SIPA1L3: variants seen among roughly 807,000 people sequenced by gnomAD.
The protein encoded by SIPA1L3 is signal induced proliferation associated 1 like 3, also known as signal-induced proliferation-associated 1-like protein 3.
Under a neutral mutation model 150.1 loss-of-function variants are expected in SIPA1L3, and 59 were observed. That is an observed-to-expected ratio of 0.39 (90% CI 0.32 to 0.49). The LOEUF (loss-of-function observed/expected upper bound fraction) is 0.49, where lower values mean the gene tolerates loss of function less well. Among genes scored for constraint, SIPA1L3 ranks in the 20% least tolerant of loss-of-function variants. The pLI, the probability that SIPA1L3 is intolerant of heterozygous loss-of-function variation, is 0.86. For synonymous variants in SIPA1L3, 1,070 were observed against 1,077.6 expected (o/e 0.99, Z 0.14); for missense variants, 2,211 against 2,489.5 (o/e 0.89, Z 2.38).
At chr19:37,956,960 A>T (rs2046816833) in intron 1 of SIPA1L3, among the ~76,000 whole-genome samples, 1 of 151,834 alleles carries the variant, frequency 6.6e-6, no homozygotes, top group Admixed American at 6.6e-5. Flanking sequence ...ATTAATTTTG[A>T]TATCATTTTT....
At chr19:38,121,183 AAAAT>A (rs967638737) in intron 9 of SIPA1L3, among the ~76,000 whole-genome samples, 5 of 152,182 alleles carry the variant, frequency 3.3e-5, no homozygotes, top group African/African-American at 1.2e-4. Context: ...TTCTAAAAAA[AAAAT>A]AAAAAAATAA....
intron 15 of SIPA1L3, among the ~76,000 whole-genome samples, chr19:38,167,383 GAT>G (rs1256612153): frequency 7.2e-5 from 11 of 152,244 alleles, no homozygotes; most frequent in African/African-American, 2.6e-4. Context: ...TTCTCTGACA[GAT>G]ATTTGAAAAC....
intron 2 of SIPA1L3, among the ~76,000 whole-genome samples, chr19:38,068,707 A>T (rs1353550864): frequency 6.6e-6 from 1 of 152,146 alleles, no homozygotes; most frequent in Non-Finnish European, 1.5e-5. Context: ...TAAGTAAAAA[A>T]TTAGCCGGTT....
chr19:37,930,523 A>G (rs2046544411), intron 1 of SIPA1L3, among the ~76,000 whole-genome samples: 1 of 152,170 alleles, frequency 6.6e-6, no homozygotes, highest in Non-Finnish European at 1.5e-5. Flanking sequence ...ATCTATGAAG[A>G]GTGACCATCC....
chr19:38,115,588 C>G lies in SIPA1L3; in HGVS notation c.2292-3718C>G, dbSNP rs141216784. Among the ~76,000 whole-genome samples the G allele has an allele frequency of 3.7e-3, 564 of 152,284 alleles. 3 individuals carry two copies. The highest frequency in any genetic ancestry group is 0.013 in the African/African-American group (523 of 41,566). ...TTGCCCCTGGTGACCTCATGGCCTCCTGCTCCTTGCCTTCCGGGCCATGCC... is the reference window on the plus strand; with the variant it reads ...TTGCCCCTGGTGACCTCATGGCCTCGTGCTCCTTGCCTTCCGGGCCATGCC... On this transcript the variant is annotated intron_variant, in intron 8 of 21. Transcript: ENST00000222345.
chr19:37,983,721 C>T (rs1224855557), intron 1 of SIPA1L3, among the ~76,000 whole-genome samples: 1 of 151,890 alleles, frequency 6.6e-6, no homozygotes, highest in Non-Finnish European at 1.5e-5. Context: ...TCCTGGGCAA[C>T]ATGGTGAAAC....
intron 17 of SIPA1L3, among the ~76,000 whole-genome samples, 154 bp from the exon 18 acceptor site, chr19:38,193,383 A>AAGGG (rs971258066): frequency 2.0e-5 from 2 of 100,362 alleles, no homozygotes; most frequent in South Asian, 3.9e-4. Flanking sequence ...GGGAGGGAGG[A>AAGGG]AGGGAGGGAG....
At chr19:37,957,857 A>G (rs553131861) in intron 1 of SIPA1L3, among the ~76,000 whole-genome samples, 5 of 151,140 alleles carry the variant, frequency 3.3e-5, no homozygotes, top group African/African-American at 9.8e-5. Flanking sequence ...GACTATAGGC[A>G]TGCATCACCA....
chr19:38,117,596 G>GCT (rs1970915978), intron 8 of SIPA1L3, among the ~76,000 whole-genome samples: 1 of 151,042 alleles, frequency 6.6e-6, no homozygotes, highest in African/African-American at 2.4e-5. Flanking sequence ...TCCAGCCTGA[G>GCT]CTACAGAGTG....
intron 1 of SIPA1L3, among the ~76,000 whole-genome samples, chr19:37,939,178 T>C (rs1208671522): frequency 2.6e-5 from 4 of 152,154 alleles, no homozygotes; most frequent in Admixed American, 1.3e-4. Context: ...GATGTATGAC[T>C]GACTATACCT....
intron 18 of SIPA1L3, among the ~76,000 whole-genome samples, chr19:38,195,552 C>T (rs143577879): frequency 1.1e-3 from 170 of 152,314 alleles, no homozygotes; most frequent in South Asian, 0.011. Flanking sequence ...CTCCCTGCTG[C>T]TCTGTCTCTC....
chr19:38,107,502 C>T (rs1970649522), intron 7 of SIPA1L3, among the ~76,000 whole-genome samples: 1 of 152,228 alleles, frequency 6.6e-6, no homozygotes, highest in Admixed American at 6.5e-5. Flanking sequence ...CTCTCTTGGA[C>T]CCACCTTGCA....
At position 38,082,371 on chromosome 19, in the gene SIPA1L3, A is replaced by G. The variant is rs1246345621; in HGVS notation, c.806A>G (p.Asp269Gly). Reference sequence around the variant, plus strand: ...TCCCACAACGGGCAGCCCGCCAAGGACAGCCTCCTGCCACTGCAGCCCACG... The same window carrying G: ...TCCCACAACGGGCAGCCCGCCAAGGGCAGCCTCCTGCCACTGCAGCCCACG... ...GDSHNGQPAK[D>G]SLLPLQPTKE... The change falls in exon 3 of 22, where the codon GAC (aspartate) becomes GGC (glycine). Residue 269 changes from aspartate to glycine, a missense_variant. Asp to Gly is a moderately conservative substitution (Grantham distance 94). Coordinates refer to ENST00000222345, the MANE Select transcript of SIPA1L3 (RefSeq NM_015073.3). 1.3e-6 allele frequency: 2 copies of G among 1,597,600 alleles called. No individual in the cohort carries two copies. Among genetic ancestry groups the G allele is most frequent in the Non-Finnish European group, 1.7e-6 (2 of 1,178,278 alleles).
At chr19:38,201,441 G>A (rs11671507) in intron 19 of SIPA1L3, among the ~76,000 whole-genome samples, 73,573 of 152,102 alleles carry the variant, frequency 0.48, 20,776 homozygotes, top group East Asian at 0.7. Flanking sequence ...GAAGGAGAGC[G>A]AATTGTATAA....
At chr19:37,997,069 T>C (rs1293792266) in intron 1 of SIPA1L3, among the ~76,000 whole-genome samples, 6 of 152,070 alleles carry the variant, frequency 3.9e-5, no homozygotes, top group African/African-American at 1.2e-4. Flanking sequence ...GAAGGTGGTA[T>C]TTGGGAGTGG....
intron 2 of SIPA1L3, among the ~76,000 whole-genome samples, chr19:38,042,359 A>G (rs1318501147): frequency 6.6e-6 from 1 of 152,162 alleles, no homozygotes; most frequent in Non-Finnish European, 1.5e-5. Flanking sequence ...TAGCTTTGTA[A>G]TATAATTTTA....
At chr19:38,069,752 C>T (rs1048700614) in intron 2 of SIPA1L3, among the ~76,000 whole-genome samples, 1 of 151,892 alleles carries the variant, frequency 6.6e-6, no homozygotes, top group Non-Finnish European at 1.5e-5. Flanking sequence ...GCAACCTCCA[C>T]CTCCTGGGTT....
rs537827282 is a variant in SIPA1L3, at chr19:38,127,561, G to A, written c.2869-2937G>A. Among the ~76,000 whole-genome samples, 9 of 152,182 alleles carry A rather than the reference G, an allele frequency of 5.9e-5. No individual in the cohort carries two copies. The East Asian group carries it at 1.2e-3, about 20-fold the overall frequency. ...GCTGGAGTGCAGTGGCACAGTCATC[G>A]CTCACTGCAGTGTCACTCTCCTGGG... On this transcript the variant is annotated intron_variant, in intron 9 of 21. Coordinates refer to ENST00000222345, the MANE Select transcript of SIPA1L3 (RefSeq NM_015073.3).
At chr19:38,140,852 G>T (rs911840663) in intron 10 of SIPA1L3, among the ~76,000 whole-genome samples, 4 of 152,042 alleles carry the variant, frequency 2.6e-5, no homozygotes, top group Non-Finnish European at 5.9e-5. Flanking sequence ...GAGGTCAGGA[G>T]TTCGAGACCA....
Sources: allele counts gnomAD v4.1 joint callset (sites outside exome capture counted in the v4.1 genomes callset), GRCh38; gene constraint gnomAD v4.1.1; transcripts MANE v1.5; gene names NCBI Gene and HGNC (gene_info 2026-07-23, HGNC 2026-07-21).